Variants in NFIB observed in about 807,000 individuals in gnomAD.
NFIB encodes nuclear factor I B, also known as nuclear factor 1 B-type.
Under a neutral mutation model 61.5 loss-of-function variants are expected in NFIB, and 11 were observed. That is an observed-to-expected ratio of 0.18 (90% CI 0.11 to 0.30). NFIB has a LOEUF of 0.30. NFIB is among the 10% of genes least tolerant of loss of function. The pLI is 1.00. For missense variants in NFIB, 471 were observed against 608.9 expected (o/e 0.77, Z 2.38); for synonymous variants, 260 against 216.5 (o/e 1.20, Z -1.76).
intron 1 of NFIB, among the ~76,000 whole-genome samples, chr9:14,348,558 C>G (rs183441482): frequency 6.6e-6 from 1 of 152,218 alleles, no homozygotes; most frequent in Non-Finnish European, 1.5e-5. Context: ...ACGGCACAGG[C>G]GGCCCAGCCT....
intron 2 of NFIB, among the ~76,000 whole-genome samples, chr9:14,231,114 C>A (rs1194074885): frequency 1.2e-4 from 5 of 41,470 alleles, no homozygotes; most frequent in Non-Finnish European, 1.8e-4. Flanking sequence ...ACAGTTTTTC[C>A]ATGGGGAAAA....
At chr9:14,385,007 T>C (rs554409171) in intron 1 of NFIB, among the ~76,000 whole-genome samples, 1 of 152,342 alleles carries the variant, frequency 6.6e-6, no homozygotes, top group African/African-American at 2.4e-5. Flanking sequence ...TGTAAGTACA[T>C]AGGCTTGCTG....
At chr9:14,453,380 G>T in the NFIB span, among the ~76,000 whole-genome samples, 1 of 152,216 alleles carries the variant, frequency 6.6e-6, no homozygotes, top group Admixed American at 6.5e-5. Context: ...ACACTATGAT[G>T]TTCCCTTAAT....
intron 1 of NFIB, among the ~76,000 whole-genome samples, chr9:14,355,955 TCAAA>T (rs1394764029): frequency 1.4e-5 from 2 of 144,644 alleles, no homozygotes; most frequent in Non-Finnish European, 3.0e-5. Context: ...AGACTCCGCC[TCAAA>T]CAAACAAACA....
At chr9:14,398,649 G>A (rs1156908110) in exon 1 of NFIB, 5 of 1,498,906 alleles carry the variant, frequency 3.3e-6, no homozygotes, top group Non-Finnish European at 3.6e-6. Context: ...ACGGATTCCC[G>A]ACAAGAAGCC....
At chr9:14,342,179 C>T (rs937439003) in intron 1 of NFIB, among the ~76,000 whole-genome samples, 2 of 152,174 alleles carry the variant, frequency 1.3e-5, no homozygotes, top group African/African-American at 4.8e-5. Flanking sequence ...TCTCATTAAC[C>T]ATTTGAAAAT....
chr9:14,443,592 A>G, the NFIB span, among the ~76,000 whole-genome samples: 3 of 152,092 alleles, frequency 2.0e-5, no homozygotes, highest in Non-Finnish European at 4.4e-5. Context: ...CCTGGCCCCA[A>G]TTGCAATACA....
At chr9:14,501,929 C>T in the NFIB span, among the ~76,000 whole-genome samples, 1 of 152,282 alleles carries the variant, frequency 6.6e-6, no homozygotes, top group African/African-American at 2.4e-5. Context: ...CCAGGGTCAC[C>T]TGCACTCTTC....
intron 2 of NFIB, among the ~76,000 whole-genome samples, chr9:14,192,512 C>A (rs1049867396): frequency 1.3e-5 from 2 of 152,178 alleles, no homozygotes; most frequent in Non-Finnish European, 2.9e-5. Context: ...CCTTTCCCAG[C>A]TCCATTAACT....
In NFIB at chr9:14,297,019, C is replaced by T. The variant is rs143219442; in HGVS notation, c.562+9970G>A. On this transcript the variant is annotated intron_variant, in intron 2 of 10. Coordinates refer to ENST00000380953, the MANE Select transcript of NFIB (RefSeq NM_001190737.2). ...ACTCCCTACAACACGTGTGTGCATG[C>T]GCACACCCCCTGCTCCCTGCCCACA... 3.0e-4 allele frequency among the ~76,000 whole-genome samples: 45 copies of T among 152,310 alleles called. 1 individual carries two copies. In the East Asian group the frequency reaches 7.7e-3, roughly 26 times the overall value.
At chr9:14,228,731 CT>C (rs2052753722) in intron 2 of NFIB, among the ~76,000 whole-genome samples, 1 of 152,194 alleles carries the variant, frequency 6.6e-6, no homozygotes, top group South Asian at 2.1e-4. Flanking sequence ...AAGGATCTGA[CT>C]GTTTGGCTTT....
intron 1 of NFIB, among the ~76,000 whole-genome samples, chr9:14,396,702 T>A (rs1372696802): frequency 6.6e-6 from 1 of 152,204 alleles, no homozygotes; most frequent in Non-Finnish European, 1.5e-5. Flanking sequence ...AAATTGCTCA[T>A]TTGTTTCATT....
Position 14,313,945 on chromosome 9 carries a change from C to A in NFIB, c.-434G>T. 4.0e-6 allele frequency: 3 copies of A among 753,464 alleles called. No homozygotes were observed. Among genetic ancestry groups the A allele is most frequent in the Non-Finnish European group, 4.4e-6 (3 of 685,904 alleles). 46.7% of individuals were successfully genotyped at this position (753,464 alleles called of 1,614,324 possible). A position where few individuals can be genotyped will look rare whatever the true frequency, so the allele number is the denominator to read the frequency against. On this transcript the variant is annotated 5_prime_UTR_variant, in exon 1 of 11. Coordinates refer to ENST00000380953, the MANE Select transcript of NFIB (RefSeq NM_001190737.2). The surrounding 1 kb of genome is among the most constrained non-coding windows in gnomAD (Gnocchi z 4.5). Reference sequence around the variant, plus strand: ...TGGTAAAATGCTTTTTCAAAAAAGGCGGGGAGGGGGGCGCGGGAGGGCGCA... The same window carrying A: ...TGGTAAAATGCTTTTTCAAAAAAGGAGGGGAGGGGGGCGCGGGAGGGCGCA...
chr9:14,277,307 GCATGTGCACCCGCGCACA>G (rs2058064489), intron 2 of NFIB, among the ~76,000 whole-genome samples: 1 of 150,682 alleles, frequency 6.6e-6, no homozygotes, highest in Non-Finnish European at 1.5e-5. Context: ...CAGGCAATAT[GCATGTGCACCCGCGCACA>G]CACGTGCACG....
intron 6 of NFIB, among the ~76,000 whole-genome samples, chr9:14,145,805 T>A (rs1457109913): frequency 6.6e-6 from 1 of 151,798 alleles, no homozygotes; most frequent in Non-Finnish European, 1.5e-5. Context: ...CGCACACCAC[T>A]ATGCTTGGCT....
the NFIB span, among the ~76,000 whole-genome samples, chr9:14,516,417 C>A: frequency 6.6e-6 from 1 of 152,124 alleles, no homozygotes; most frequent in East Asian, 1.9e-4. Context: ...AACAAAGGCA[C>A]TGACCGATAA....
At chr9:14,252,670 A>G (rs1006443019) in intron 2 of NFIB, among the ~76,000 whole-genome samples, 3 of 149,946 alleles carry the variant, frequency 2.0e-5, no homozygotes, top group Non-Finnish European at 4.4e-5. Context: ...TTACTACTGG[A>G]TACATCCTTA....
At chr9:14,152,660 A>C (rs16931403) in intron 4 of NFIB, among the ~76,000 whole-genome samples, 28,071 of 152,086 alleles carry the variant, frequency 0.18, 2,841 homozygotes, top group South Asian at 0.36. Context: ...TAGTTAACAT[A>C]ATTTGCTTAC....
At chr9:14,442,406 T>A in the NFIB span, among the ~76,000 whole-genome samples, 2 of 152,172 alleles carry the variant, frequency 1.3e-5, no homozygotes, top group African/African-American at 4.8e-5. Context: ...AAAAATGCAT[T>A]TGACAAAATG....
Sources: gnomAD v4.1 joint callset for allele counts (sites outside exome capture counted in the v4.1 genomes callset) on GRCh38, gnomAD v4.1.1 for gene constraint, Gnocchi (gnomAD v3.1) non-coding constraint, MANE v1.5 for transcripts, NCBI Gene and HGNC (gene_info 2026-07-23, HGNC 2026-07-21) for gene names.